Variants in CNTNAP2 observed in about 807,000 individuals in gnomAD.
CNTNAP2 encodes contactin-associated protein-like 2.
Under a neutral mutation model 155.2 loss-of-function variants are expected in CNTNAP2, and 98 were observed. The observed-to-expected ratio is 0.63, with a 90% CI of 0.54 to 0.75. CNTNAP2 has a LOEUF of 0.75. CNTNAP2 is among the 30% of genes least tolerant of loss of function. The pLI is 0.00. For synonymous variants in CNTNAP2, 651 were observed against 631.2 expected (o/e 1.03, Z -0.47); for missense variants, 1,727 against 1,688.1 (o/e 1.02, Z -0.40).
At chr7:146,327,912 T>C (rs915013726) in intron 1 of CNTNAP2, among the ~76,000 whole-genome samples, 2 of 152,194 alleles carry the variant, frequency 1.3e-5, no homozygotes, top group Non-Finnish European at 2.9e-5. Context: ...CAAAAGGATG[T>C]AGTATCTGTT....
intron 3 of CNTNAP2, among the ~76,000 whole-genome samples, chr7:146,931,689 G>T (rs1246613299): frequency 2.0e-5 from 3 of 149,002 alleles, no homozygotes; most frequent in Non-Finnish European, 3.0e-5. Flanking sequence ...TAGACCGCTA[G>T]CAAGACTAAT....
intron 1 of CNTNAP2, among the ~76,000 whole-genome samples, chr7:146,311,976 A>C (rs1401727303): frequency 6.6e-6 from 1 of 152,150 alleles, no homozygotes; most frequent in African/African-American, 2.4e-5. Flanking sequence ...TAAATTGATC[A>C]AAGTCTGGTT....
chr7:146,774,590 G>C (rs1025153306), intron 2 of CNTNAP2, among the ~76,000 whole-genome samples: 6 of 152,112 alleles, frequency 3.9e-5, no homozygotes, highest in African/African-American at 1.4e-4. Context: ...CTGGAAGTTA[G>C]AGATAGTACG....
At chr7:146,376,758 A>T (rs1323203334) in intron 1 of CNTNAP2, among the ~76,000 whole-genome samples, 1 of 152,094 alleles carries the variant, frequency 6.6e-6, no homozygotes, top group Non-Finnish European at 1.5e-5. Context: ...AGAGGTAGGG[A>T]CTTTAGGGAG....
At chr7:146,636,868 C>T (rs1450025835) in intron 1 of CNTNAP2, among the ~76,000 whole-genome samples, 1 of 152,182 alleles carries the variant, frequency 6.6e-6, no homozygotes, top group Admixed American at 6.5e-5. Flanking sequence ...CCCCTCATAA[C>T]CTTGCTTTTC....
At chr7:146,198,084 G>A (rs554040052) in intron 1 of CNTNAP2, among the ~76,000 whole-genome samples, 1 of 152,124 alleles carries the variant, frequency 6.6e-6, no homozygotes, top group African/African-American at 2.4e-5. Context: ...TCACCCCCAT[G>A]ATCCAATCAC....
At chr7:147,033,701 G>A (rs947184653) in intron 3 of CNTNAP2, among the ~76,000 whole-genome samples, 2 of 151,702 alleles carry the variant, frequency 1.3e-5, no homozygotes, top group African/African-American at 2.4e-5. Context: ...GACCAAAGAG[G>A]TATGGTCTGA....
At chr7:146,366,656 G>T (rs547494958) in intron 1 of CNTNAP2, among the ~76,000 whole-genome samples, 2 of 152,098 alleles carry the variant, frequency 1.3e-5, no homozygotes, top group Non-Finnish European at 2.9e-5. Context: ...CATCCATCAA[G>T]GGCTCCACCT....
At chr7:146,929,864 T>A (rs534535592) in intron 3 of CNTNAP2, among the ~76,000 whole-genome samples, 73 of 151,742 alleles carry the variant, frequency 4.8e-4, no homozygotes, top group African/African-American at 1.7e-3. Flanking sequence ...ATAAATGAAA[T>A]GAAGCGAGAA....
chr7:147,872,741 C>T (rs555264507), intron 13 of CNTNAP2, among the ~76,000 whole-genome samples: 23 of 151,982 alleles, frequency 1.5e-4, no homozygotes, highest in Non-Finnish European at 2.1e-4. Context: ...TTTTTGGGGG[C>T]GTAGATTACT....
chr7:146,867,035 G>T (rs181380181), intron 3 of CNTNAP2, among the ~76,000 whole-genome samples: 2 of 151,860 alleles, frequency 1.3e-5, no homozygotes, highest in Non-Finnish European at 2.9e-5. Context: ...TTTACTTTAG[G>T]TTTGGTGGGT....
chr7:146,159,246 A>C (rs1004731565), intron 1 of CNTNAP2, among the ~76,000 whole-genome samples: 1 of 152,234 alleles, frequency 6.6e-6, no homozygotes, highest in Non-Finnish European at 1.5e-5. Context: ...GGAAGCGCTA[A>C]ACATGGAAAG....
At chr7:146,123,561 T>C (rs146002752) in intron 1 of CNTNAP2, among the ~76,000 whole-genome samples, 2 of 152,298 alleles carry the variant, frequency 1.3e-5, no homozygotes, top group East Asian at 3.9e-4. Flanking sequence ...AGGAAGGATT[T>C]GTTCACCTCT....
chr7:148,222,842 G>A (rs1219783950), intron 19 of CNTNAP2, among the ~76,000 whole-genome samples: 1 of 152,186 alleles, frequency 6.6e-6, no homozygotes, highest in Admixed American at 6.5e-5. Flanking sequence ...GGGTGAGATG[G>A]TGGCCTGTAG....
intron 13 of CNTNAP2, among the ~76,000 whole-genome samples, chr7:147,883,726 G>A (rs999745574): frequency 2.0e-5 from 3 of 152,136 alleles, no homozygotes; most frequent in East Asian, 1.9e-4. Flanking sequence ...CAAAATGTGC[G>A]CATGATTTTT....
chr7:147,107,372 T>A (rs1800787834), intron 4 of CNTNAP2, among the ~76,000 whole-genome samples: 1 of 152,148 alleles, frequency 6.6e-6, no homozygotes, highest in South Asian at 2.1e-4. Context: ...TTTACATACT[T>A]TCCTTATTTT....
At chr7:146,760,383 T>C (rs2129183876) in intron 1 of CNTNAP2, among the ~76,000 whole-genome samples, 1 of 148,114 alleles carries the variant, frequency 6.8e-6, no homozygotes, top group African/African-American at 2.5e-5. Flanking sequence ...CTGCCTTCAT[T>C]CACCTCTGTA....
chr7:146,879,488 A>G (rs1585135434), intron 3 of CNTNAP2, among the ~76,000 whole-genome samples: 1 of 152,142 alleles, frequency 6.6e-6, no homozygotes, highest in East Asian at 1.9e-4. Context: ...TTTAAATAAA[A>G]TATATAATAT....
intron 13 of CNTNAP2, among the ~76,000 whole-genome samples, chr7:147,875,302 G>A (rs1799404322): frequency 6.6e-6 from 1 of 152,190 alleles, no homozygotes; most frequent in South Asian, 2.1e-4. Context: ...CACAATCACA[G>A]TGGAAGGGAA....
Sources: allele counts gnomAD v4.1 joint callset (sites outside exome capture counted in the v4.1 genomes callset), GRCh38; gene constraint gnomAD v4.1.1; transcripts MANE v1.5; gene names NCBI Gene and HGNC (gene_info 2026-07-23, HGNC 2026-07-21).